MTSS1: variants seen among roughly 807,000 people sequenced by gnomAD.
The protein encoded by MTSS1 is protein MTSS 1.
A neutral mutation model predicts 79.0 loss-of-function variants in MTSS1; 18 were observed. That is an observed-to-expected ratio of 0.23 (90% CI 0.16 to 0.34). MTSS1 has a LOEUF of 0.34. MTSS1 is among the 10% of genes least tolerant of loss of function. MTSS1 has a pLI of 1.00. For missense variants in MTSS1, 815 were observed against 986.2 expected (o/e 0.83, Z 2.33); for synonymous variants, 341 against 368.6 (o/e 0.93, Z 0.86).
intron 3 of MTSS1, among the ~76,000 whole-genome samples, chr8:124,630,000 G>A (rs1199004527): frequency 2.0e-5 from 3 of 152,200 alleles, no homozygotes; most frequent in East Asian, 1.9e-4. Context: ...AGCCAGCTGC[G>A]TCAGCCCCGC....
intron 3 of MTSS1, among the ~76,000 whole-genome samples, chr8:124,688,218 C>T (rs28651918): frequency 0.21 from 31,415 of 151,212 alleles, 3,671 homozygotes; most frequent in Middle Eastern, 0.29. Context: ...TGTATATATG[C>T]GTGTGTATGT....
chr8:124,567,030 C>G, intron 8 of MTSS1, 41 bp downstream of exon 8: 1 of 1,502,198 alleles, frequency 6.7e-7, no homozygotes, highest in Non-Finnish European at 9.2e-7. Flanking sequence ...GCTTTTACCT[C>G]TTTGGTTTGA....
intron 3 of MTSS1, among the ~76,000 whole-genome samples, chr8:124,601,313 T>C (rs1833775850): frequency 1.3e-5 from 2 of 152,090 alleles, no homozygotes; most frequent in Non-Finnish European, 2.9e-5. Flanking sequence ...CCACCCGCCT[T>C]GACCTCCCAA....
At chr8:124,676,443 A>C (rs954658419) in intron 3 of MTSS1, among the ~76,000 whole-genome samples, 1 of 152,220 alleles carries the variant, frequency 6.6e-6, no homozygotes, top group African/African-American at 2.4e-5. Context: ...TCAAGTCAAG[A>C]TCTCACGACC....
chr8:124,595,235 G>C (rs1225267802), intron 3 of MTSS1, among the ~76,000 whole-genome samples: 1 of 152,212 alleles, frequency 6.6e-6, no homozygotes, highest in Non-Finnish European at 1.5e-5. Context: ...GGTCAGCCTA[G>C]AGATACAATG....
chr8:124,670,750 A>T (rs1343298009), intron 3 of MTSS1, among the ~76,000 whole-genome samples: 1 of 152,170 alleles, frequency 6.6e-6, no homozygotes, highest in East Asian at 1.9e-4. Context: ...CCTGGCTCTT[A>T]ATTACTAAGA....
chr8:124,707,031 G>A (rs537613788), intron 1 of MTSS1, among the ~76,000 whole-genome samples: 37 of 150,726 alleles, frequency 2.5e-4, no homozygotes, highest in Middle Eastern at 3.4e-3. Context: ...AGCTTCGTCC[G>A]ACCATTCCTT....
intron 5 of MTSS1, among the ~76,000 whole-genome samples, chr8:124,588,581 T>C (rs1456095619): frequency 6.6e-6 from 1 of 152,224 alleles, no homozygotes; most frequent in African/African-American, 2.4e-5. Flanking sequence ...CTCACCGACC[T>C]GGGACAACGC....
intron 6 of MTSS1, among the ~76,000 whole-genome samples, chr8:124,579,451 A>G (rs1364525491): frequency 6.6e-6 from 1 of 152,236 alleles, no homozygotes; most frequent in Non-Finnish European, 1.5e-5. Flanking sequence ...CGATGGTTGC[A>G]TAACACCATG....
intron 3 of MTSS1, among the ~76,000 whole-genome samples, chr8:124,621,469 G>C (rs778334229): frequency 6.6e-6 from 1 of 152,294 alleles, no homozygotes; most frequent in South Asian, 2.1e-4. Flanking sequence ...TGTCTGCCAG[G>C]GGGGCATCAG....
intron 5 of MTSS1, among the ~76,000 whole-genome samples, chr8:124,589,039 T>G (rs1395283830): frequency 6.6e-6 from 1 of 150,570 alleles, no homozygotes; most frequent in African/African-American, 2.5e-5. Context: ...TTTCTTTTTT[T>G]TTGTTTTTTG....
chr8:124,698,274 T>C (rs1170797960), intron 3 of MTSS1: 1 of 152,162 alleles, frequency 6.6e-6, no homozygotes, highest in African/African-American at 2.4e-5. Context: ...GGAGAAACTT[T>C]CATGTGCCTG....
intron 3 of MTSS1, among the ~76,000 whole-genome samples, chr8:124,635,328 C>T (rs1470320186): frequency 2.6e-5 from 4 of 152,218 alleles, no homozygotes; most frequent in Non-Finnish European, 4.4e-5. Context: ...TTAAAGTCAG[C>T]AGTCTGTACA....
rs72714749 is a variant in MTSS1 at position 124,634,712 on chromosome 8, A to C, written c.209-43477T>G. On this transcript the variant is annotated intron_variant, in intron 3 of 13. Transcript: ENST00000518547. ...TTTCCCTCTTGTAGCTTCAAAAAAA[A>C]AAAATGCTAGCAAATGCACAGTCCA... 6.3e-3 allele frequency among the ~76,000 whole-genome samples: 958 copies of C among 152,274 alleles called. 8 individuals carry two copies. Among genetic ancestry groups the C allele is most frequent in the South Asian group, 0.011 (51 of 4,814 alleles).
At chr8:124,622,793 C>CA (rs11403789) in intron 3 of MTSS1, among the ~76,000 whole-genome samples, 59,871 of 120,310 alleles carry the variant, frequency 0.5, 14,003 homozygotes, top group African/African-American at 0.63. Flanking sequence ...GAGTCCATCT[C>CA]AAAAAAAAAA....
chr8:124,690,211 C>T (rs148382354), intron 3 of MTSS1, among the ~76,000 whole-genome samples: 2 of 152,250 alleles, frequency 1.3e-5, no homozygotes, highest in East Asian at 1.9e-4. Context: ...TGAAGGCTGC[C>T]GAGGTTAGAC....
chr8:124,687,072 C>T (rs1336782433), intron 3 of MTSS1, among the ~76,000 whole-genome samples: 1 of 152,180 alleles, frequency 6.6e-6, no homozygotes, highest in East Asian at 1.9e-4. Flanking sequence ...TGCTCAAGAC[C>T]GAGGCTGGAC....
At chr8:124,675,141 C>T (rs937919071) in intron 3 of MTSS1, among the ~76,000 whole-genome samples, 2 of 152,250 alleles carry the variant, frequency 1.3e-5, no homozygotes, top group African/African-American at 4.8e-5. Flanking sequence ...GCTTTGACTG[C>T]CCTCCGAGGG....
chr8:124,647,573 G>C (rs960416472), intron 3 of MTSS1, among the ~76,000 whole-genome samples: 1 of 151,268 alleles, frequency 6.6e-6, no homozygotes, highest in Non-Finnish European at 1.5e-5. Context: ...GCTAACAACA[G>C]TGTTTATCCT....
Sources: allele counts gnomAD v4.1 joint callset (sites outside exome capture counted in the v4.1 genomes callset), GRCh38; gene constraint gnomAD v4.1.1; transcripts MANE v1.5; gene names NCBI Gene and HGNC (gene_info 2026-07-23, HGNC 2026-07-21).